The following MECOM variants were observed in gnomAD, a reference collection of about 807,000 sequenced individuals.
MECOM encodes MDS1 and EVI1 complex locus.
Under a neutral mutation model 116.3 loss-of-function variants are expected in MECOM, and 13 were observed. The observed-to-expected ratio is 0.11, with a 90% confidence interval of 0.07 to 0.18. The LOEUF is 0.18. MECOM is among the 10% of genes least tolerant of loss of function. The pLI is 1.00. For missense variants in MECOM, 1,299 were observed against 1,509.0 expected, an observed-to-expected ratio of 0.86 and a Z score of 2.31; for synonymous variants, 528 against 535.2, an observed-to-expected ratio of 0.99 and a Z score of 0.19.
chr3:169,149,939 G>C (rs1975982), intron 2 of MECOM, among the ~76,000 whole-genome samples: 1,929 of 36,778 alleles, frequency 0.052, 27 homozygotes, highest in East Asian at 0.23. Context: ...CTCTCTCTGT[G>C]TGTGTGTGTG....
intron 1 of MECOM, among the ~76,000 whole-genome samples, chr3:169,644,948 T>C (rs1004632221): frequency 6.6e-6 from 1 of 152,140 alleles, no homozygotes; most frequent in African/African-American, 2.4e-5. Context: ...AGTCCTCTCT[T>C]TGAGTAAAGC....
chr3:169,628,147 T>G (rs1771613265), intron 1 of MECOM, among the ~76,000 whole-genome samples: 2 of 152,324 alleles, frequency 1.3e-5, no homozygotes, highest in Admixed American at 1.3e-4. Flanking sequence ...CCTCTCCATC[T>G]CTGAGCCAGG....
At chr3:169,428,520 CT>C (rs1741093849) in intron 1 of MECOM, among the ~76,000 whole-genome samples, 1 of 152,154 alleles carries the variant, frequency 6.6e-6, no homozygotes, top group Non-Finnish European at 1.5e-5. Context: ...CCTAACAGGC[CT>C]AATAACAGGC....
At chr3:169,523,085 T>C (rs1757548729) in intron 1 of MECOM, among the ~76,000 whole-genome samples, 2 of 152,252 alleles carry the variant, frequency 1.3e-5, no homozygotes, top group African/African-American at 2.4e-5. Context: ...CCAGTGGAGA[T>C]CTTTTATCTT....
intron 2 of MECOM, among the ~76,000 whole-genome samples, chr3:169,225,527 G>C (rs1236039151): frequency 6.6e-6 from 1 of 152,154 alleles, no homozygotes; most frequent in Non-Finnish European, 1.5e-5. Context: ...CAAAAACAGG[G>C]CCCATACCCA....
At chr3:169,147,793 G>A (rs1740376015) in intron 2 of MECOM, 2 of 955,840 alleles carry the variant, frequency 2.1e-6, no homozygotes, top group African/African-American at 3.6e-5. Flanking sequence ...GGGATGGGAG[G>A]GATGGGGAAG....
chr3:169,251,582 G>A (rs77683650), intron 2 of MECOM, among the ~76,000 whole-genome samples: 5,928 of 152,100 alleles, frequency 0.039, 184 homozygotes, highest in Non-Finnish European at 0.059. Flanking sequence ...TTCAGAAGCC[G>A]CCAGGACCCA....
intron 2 of MECOM, among the ~76,000 whole-genome samples, chr3:169,252,669 G>A (rs995583610): frequency 2.0e-5 from 3 of 152,068 alleles, no homozygotes; most frequent in Non-Finnish European, 2.9e-5. Context: ...CACCAAACCT[G>A]TTAGAATATG....
chr3:169,483,203 T>TTTA (rs1553866570), intron 1 of MECOM, among the ~76,000 whole-genome samples: 5 of 48,310 alleles, frequency 1.0e-4, no homozygotes, highest in African/African-American at 7.0e-4. Context: ...TTTATTTTTA[T>TTTA]TTTTTTTTTT....
At chr3:169,552,718 G>C (rs1384494786) in intron 1 of MECOM, among the ~76,000 whole-genome samples, 1 of 151,966 alleles carries the variant, frequency 6.6e-6, no homozygotes, top group Non-Finnish European at 1.5e-5. Flanking sequence ...AGTGCTGGGT[G>C]AGTCACTGCA....
chr3:169,099,291 CAT>C (rs1722784875), intron 12 of MECOM, among the ~76,000 whole-genome samples: 2 of 152,124 alleles, frequency 1.3e-5, no homozygotes, highest in Non-Finnish European at 2.9e-5. Context: ...AACGTGATAA[CAT>C]AGTTTCCAGT....
intron 2 of MECOM, among the ~76,000 whole-genome samples, chr3:169,214,180 C>A (rs1454954335): frequency 6.6e-6 from 1 of 151,216 alleles, no homozygotes; most frequent in Non-Finnish European, 1.5e-5. Context: ...TAAAAGCCAA[C>A]TTTTTTTTTA....
intron 1 of MECOM, among the ~76,000 whole-genome samples, chr3:169,460,645 T>C (rs1226673852): frequency 6.6e-6 from 1 of 152,238 alleles, no homozygotes; most frequent in Non-Finnish European, 1.5e-5. Context: ...TTATTTTACA[T>C]GGCAAGACTT....
intron 2 of MECOM, among the ~76,000 whole-genome samples, chr3:169,329,172 CT>C (rs1185649837): frequency 1.3e-5 from 2 of 152,058 alleles, no homozygotes; most frequent in African/African-American, 4.8e-5. Flanking sequence ...GAAACATTAA[CT>C]TTTTTTAAAA....
chr3:169,100,815 T>C, intron 12 of MECOM, 70 bp downstream of exon 12: 1 of 875,712 alleles, frequency 1.1e-6, no homozygotes, highest in Non-Finnish European at 1.5e-6. Context: ...TTAATTATTA[T>C]TTTATTATTA....
chr3:169,138,849 T>A (rs1737198245), intron 3 of MECOM, among the ~76,000 whole-genome samples: 1 of 152,004 alleles, frequency 6.6e-6, no homozygotes, highest in South Asian at 2.1e-4. Flanking sequence ...GAAAGTGGAT[T>A]TTTTTTCATA....
intron 1 of MECOM, among the ~76,000 whole-genome samples, chr3:169,567,416 T>TAC (rs1255852854): frequency 2.6e-5 from 4 of 152,190 alleles, no homozygotes; most frequent in African/African-American, 9.7e-5. Context: ...AATTCAAAGG[T>TAC]CATGCATGAG....
chr3:169,395,718 GGAA>G (rs1376952694), intron 1 of MECOM, among the ~76,000 whole-genome samples: 1 of 152,102 alleles, frequency 6.6e-6, no homozygotes, highest in Non-Finnish European at 1.5e-5. Context: ...AAGTTCTTCA[GGAA>G]GAAGAACAGT....
chr3:169,636,600 G>A (rs971827415), intron 1 of MECOM, among the ~76,000 whole-genome samples: 3 of 152,122 alleles, frequency 2.0e-5, no homozygotes, highest in South Asian at 2.1e-4. Flanking sequence ...AAGTAGGAGC[G>A]TACACCTCCT....
Sources: gnomAD v4.1 joint callset for allele counts (sites outside exome capture counted in the v4.1 genomes callset) on GRCh38, gnomAD v4.1.1 for gene constraint, MANE v1.5 for transcripts, NCBI Gene and HGNC (gene_info 2026-07-23, HGNC 2026-07-21) for gene names.